SUSD4: variants seen among roughly 807,000 people sequenced by gnomAD.
The protein encoded by SUSD4 is sushi domain containing 4.
In SUSD4, 41 loss-of-function variants were observed where a neutral mutation model predicts 50.5. The ratio of observed to expected loss-of-function variants is 0.81; its 90% CI spans 0.63 to 1.05. SUSD4 has a LOEUF of 1.05. Ranked by LOEUF, SUSD4 falls within the 50% of genes least tolerant of loss-of-function variation. The pLI, the probability that SUSD4 is intolerant of heterozygous loss-of-function variation, is 0.00. For synonymous variants in SUSD4, 257 were observed against 257.3 expected (o/e 1.00, Z 0.01); for missense variants, 580 against 634.7 (o/e 0.91, Z 0.93).
intron 2 of SUSD4, chr1:223,358,938 G>A (rs1050699669): frequency 4.0e-5 from 15 of 375,586 alleles, no homozygotes; most frequent in Non-Finnish European, 7.9e-5. Context: ...AAAACTAAGG[G>A]ACTTAACACT....
At chr1:223,316,683 C>T (rs907535588) in intron 2 of SUSD4, among the ~76,000 whole-genome samples, 2 of 152,160 alleles carry the variant, frequency 1.3e-5, no homozygotes, top group Admixed American at 1.3e-4. Flanking sequence ...GGAGGCTGAG[C>T]TGGGGCTCAC....
chr1:223,348,134 T>A (rs1006182660), intron 2 of SUSD4, among the ~76,000 whole-genome samples: 3 of 152,154 alleles, frequency 2.0e-5, no homozygotes, highest in African/African-American at 4.8e-5. Context: ...CATATGCAAC[T>A]AAACCATCCG....
chr1:223,279,570 A>T (rs1663539506), intron 3 of SUSD4, among the ~76,000 whole-genome samples: 1 of 152,242 alleles, frequency 6.6e-6, no homozygotes, highest in Non-Finnish European at 1.5e-5. Context: ...CAAAGCCTCC[A>T]AGAAATAGGG....
At chr1:223,257,230 G>A (rs2103056730) in intron 5 of SUSD4, among the ~76,000 whole-genome samples, 1 of 152,250 alleles carries the variant, frequency 6.6e-6, no homozygotes, top group East Asian at 1.9e-4. Flanking sequence ...CGGGCTGGGT[G>A]CGGTGGTTCA....
chr1:223,317,263 AT>A, intron 2 of SUSD4, among the ~76,000 whole-genome samples: 1 of 152,352 alleles, frequency 6.6e-6, no homozygotes, highest in East Asian at 1.9e-4. Context: ...GACCAGTGCC[AT>A]GACAGTTTAC....
rs200367195 is a variant in SUSD4 at position 223,223,250 on chromosome 1, A to G, written c.1443T>C (p.Asp481=). The G allele has an allele frequency of 1.3e-6, 2 of 1,531,448 alleles. No homozygotes were observed. The highest frequency in any genetic ancestry group is 8.7e-7 in the Non-Finnish European group (1 of 1,144,962). The allele number at this position is 1,531,448 out of a possible 1,614,324, so 94.9% of individuals were successfully genotyped here. ...ASTSPGIDIA[D]EIPLMEEDP ...TTGGGCCCTGGGGCAAGCACTTACC[A>G]TCTGCAATGTCGATGCCTGGGCTGG... The change falls in exon 8 of 9, where the codon GAT becomes GAC. Residue 481 remains aspartate, a splice_region_variant and synonymous_variant. Coordinates refer to ENST00000366878, the MANE Select transcript of SUSD4 (RefSeq NM_017982.4).
At chr1:223,307,516 C>A (rs1388743000) in intron 2 of SUSD4, among the ~76,000 whole-genome samples, 1 of 152,148 alleles carries the variant, frequency 6.6e-6, no homozygotes, top group Non-Finnish European at 1.5e-5. Flanking sequence ...ACTGAATATT[C>A]CTTCCCTTAC....
intron 6 of SUSD4, among the ~76,000 whole-genome samples, chr1:223,228,155 A>G (rs950752723): frequency 9.9e-5 from 15 of 152,144 alleles, no homozygotes; most frequent in African/African-American, 3.4e-4. Context: ...GGGGTTGGGT[A>G]AAGCAAGAAA....
At chr1:223,264,347 T>C (rs1003703591) in intron 5 of SUSD4, 33 of 1,128,746 alleles carry the variant, frequency 2.9e-5, no homozygotes, top group Non-Finnish European at 3.6e-5. Flanking sequence ...TTTGAAGACA[T>C]TTCATTTAAC....
chr1:223,264,028 G>A (rs1186735667), intron 5 of SUSD4: 1 of 985,436 alleles, frequency 1.0e-6, no homozygotes, highest in Non-Finnish European at 1.2e-6. Context: ...TAGCAGAAGT[G>A]TTTACAGGCT....
At chr1:223,352,726 A>G (rs1668435392) in intron 2 of SUSD4, among the ~76,000 whole-genome samples, 1 of 152,210 alleles carries the variant, frequency 6.6e-6, no homozygotes, top group South Asian at 2.1e-4. Flanking sequence ...AGTTAGAGAT[A>G]GCAGGCAGCT....
At chr1:223,254,547 T>C (rs146203637) in intron 5 of SUSD4, among the ~76,000 whole-genome samples, 16 of 152,110 alleles carry the variant, frequency 1.1e-4, no homozygotes, top group Admixed American at 2.6e-4. Context: ...ATCTATCATG[T>C]TGGGAATCAG....
intron 2 of SUSD4, among the ~76,000 whole-genome samples, chr1:223,340,758 G>A (rs1337454775): frequency 6.6e-6 from 1 of 152,196 alleles, no homozygotes; most frequent in Non-Finnish European, 1.5e-5. Flanking sequence ...CAGAGAGACA[G>A]AACACATGCA....
At chr1:223,306,547 A>C (rs1294845791) in intron 2 of SUSD4, among the ~76,000 whole-genome samples, 2 of 152,194 alleles carry the variant, frequency 1.3e-5, no homozygotes, top group Non-Finnish European at 2.9e-5. Flanking sequence ...GCTGGAGTGC[A>C]GTGGCACAAT....
intron 5 of SUSD4, among the ~76,000 whole-genome samples, chr1:223,254,372 C>T (rs535952698): frequency 2.0e-5 from 3 of 151,810 alleles, no homozygotes; most frequent in Non-Finnish European, 2.9e-5. Flanking sequence ...TGCACTTACA[C>T]GGGATTAAAA....
At chr1:223,249,427 C>T (rs563170103) in intron 5 of SUSD4, among the ~76,000 whole-genome samples, 2 of 152,348 alleles carry the variant, frequency 1.3e-5, no homozygotes, top group South Asian at 2.1e-4. Context: ...CACAGACACA[C>T]ATACATTCAT....
intron 2 of SUSD4, among the ~76,000 whole-genome samples, chr1:223,353,404 C>G (rs1385998843): frequency 6.6e-6 from 1 of 152,156 alleles, no homozygotes; most frequent in African/African-American, 2.4e-5. Context: ...TTTGTATTTA[C>G]GAAATGCCTC....
At chr1:223,323,781 G>A (rs1479210340) in intron 2 of SUSD4, among the ~76,000 whole-genome samples, 2 of 152,158 alleles carry the variant, frequency 1.3e-5, no homozygotes, top group African/African-American at 4.8e-5. Context: ...AGGCCAGGAT[G>A]CTCTGGCCCA....
chr1:223,322,926 C>A (rs115167840), intron 2 of SUSD4, among the ~76,000 whole-genome samples: 2 of 152,152 alleles, frequency 1.3e-5, no homozygotes, highest in Non-Finnish European at 2.9e-5. Flanking sequence ...TACAGCTAAG[C>A]CTTTCCCCAA....
Sources: gnomAD v4.1 joint callset for allele counts (sites outside exome capture counted in the v4.1 genomes callset) on GRCh38, gnomAD v4.1.1 for gene constraint, MANE v1.5 for transcripts, NCBI Gene and HGNC (gene_info 2026-07-23, HGNC 2026-07-21) for gene names.